Variants in RNF20 observed in about 807,000 individuals in gnomAD.
RNF20 encodes the protein E3 ubiquitin-protein ligase BRE1A.
A neutral mutation model predicts 126.2 loss-of-function variants in RNF20; 84 were observed. The observed-to-expected ratio is 0.67, with a 90% CI of 0.56 to 0.80. RNF20 has a LOEUF of 0.80. RNF20 is among the 30% of genes least tolerant of loss of function. The pLI, the probability that RNF20 is intolerant of heterozygous loss-of-function variation, is 0.00. For missense variants in RNF20, 869 were observed against 1,188.2 expected (o/e 0.73, Z 3.95); for synonymous variants, 400 against 414.3 (o/e 0.97, Z 0.42).
intron 11 of RNF20, 116 bp from the exon 12 acceptor site, chr9:101,552,025 T>C: frequency 7.1e-7 from 1 of 1,418,218 alleles, no homozygotes; most frequent in South Asian, 1.3e-5. Context: ...AGAAGGAATC[T>C]TTTATTTGGT....
At position 101,561,958 on chromosome 9, in the gene RNF20, G is replaced by T; in HGVS notation, c.2698G>T (p.Asp900Tyr). 3 of 1,613,758 alleles carry T rather than the reference G, an allele frequency of 1.9e-6. No individual in the cohort carries two copies. The highest frequency in any genetic ancestry group is 4.5e-5 in the East Asian group (2 of 44,856). Residue 900 changes from aspartate (D) to tyrosine (Y), a missense_variant, in exon 19 of 20, where the codon GAC becomes TAC. This residue lies in a region of RNF20 where 150 missense variants were observed against 173.7 expected (regional missense o/e 0.86). Transcript: ENST00000389120. ...RRKLETTKKP[D>Y]NVPKCDEILM... The stretch of plus-strand genomic sequence containing the variant: ...GAAGCTGGAGACCACAAAGAAACCA[G>T]ACAATGTACCCAAGTGTGATGAGAT...
Position 101,560,875 on chromosome 9 carries a change from G to T in RNF20, c.2457G>T (p.Gly819=). Residue 819 remains glycine, a synonymous_variant, in exon 17 of 20, where the codon GGG becomes GGT. Coordinates refer to ENST00000389120, the MANE Select transcript of RNF20 (RefSeq NM_019592.7). ...EHLLQSNIGT[G]EKELGLRTQA... ...TGTTACAGAGCAACATTGGCACAGGGGAGAAAGAGCTGGGTCTTAGGACCC... is the reference window on the plus strand; with the variant it reads ...TGTTACAGAGCAACATTGGCACAGGTGAGAAAGAGCTGGGTCTTAGGACCC... 1 of 1,613,694 alleles carries T rather than the reference G, an allele frequency of 6.2e-7. No individual in the cohort carries two copies. Among genetic ancestry groups the T allele is most frequent in the Non-Finnish European group, 8.5e-7 (1 of 1,179,702 alleles).
In RNF20 at chr9:101,561,111, G is replaced by T; in HGVS notation, c.2530G>T (p.Ala844Ser). Residue 844 changes from alanine to serine, a missense_variant, in exon 18 of 20, where the codon GCA (alanine) becomes TCA (serine). Around this residue, in one of 8 missense-constraint regions of RNF20, gnomAD observed 150 missense variants for 173.7 expected, o/e 0.86. Transcript: ENST00000389120. ...KRKAMEAAQL[A>S]DDLKAQLELA... Reference sequence around the variant, plus strand: ...ATAGGCAATGGAGGCAGCCCAGCTTGCAGATGACCTCAAAGCACAACTGGA... The same window carrying T: ...ATAGGCAATGGAGGCAGCCCAGCTTTCAGATGACCTCAAAGCACAACTGGA... The T allele has an allele frequency of 6.2e-7, 1 of 1,613,842 alleles. No individual in the cohort carries two copies. Among genetic ancestry groups the T allele is most frequent in the East Asian group, 2.2e-5 (1 of 44,864 alleles).
At position 101,544,767 on chromosome 9, in the gene RNF20, A is replaced by G. The variant is rs775728033; in HGVS notation, c.629A>G (p.Asp210Gly). 6.3e-7 allele frequency: 1 copy of G among 1,585,916 alleles called. No individual in the cohort carries two copies. Among genetic ancestry groups the G allele is most frequent in the Non-Finnish European group, 8.7e-7 (1 of 1,154,458 alleles). The change falls in exon 6 of 20, where the codon GAT becomes GGT. Residue 210 changes from aspartate (D) to glycine (G), a missense_variant and splice_region_variant. Coordinates refer to ENST00000389120, the MANE Select transcript of RNF20 (RefSeq NM_019592.7). ...ELLSRKLNSG[D>G]NLIVEEAVQE... is the part of the protein sequence containing the mutation. ...TTAAAGTATAGTTCTTCTTCCCCAGATAATCTGATAGTGGAGGAAGCAGTG... is the reference window on the plus strand; with the variant it reads ...TTAAAGTATAGTTCTTCTTCCCCAGGTAATCTGATAGTGGAGGAAGCAGTG...
Position 101,561,167 on chromosome 9 carries a change from G to C in RNF20, c.2586G>C (p.Gln862His). ...CTCAGAAGAAGCTACATGATTTTCA[G>C]GATGAGATCGTGGAGAACAGTGTTA... ...ELAQKKLHDFQDEIVENSVTK... is the reference protein window; with the variant it reads ...ELAQKKLHDFHDEIVENSVTK... The change falls in exon 18 of 20, where the codon CAG becomes CAC. Residue 862 changes from glutamine to histidine, a missense_variant. By Grantham distance (24) the Gln-to-His change is conservative. Coordinates refer to ENST00000389120, the MANE Select transcript of RNF20 (RefSeq NM_019592.7). The C allele has an allele frequency of 1.2e-6, 2 of 1,613,932 alleles. No homozygotes were observed. The highest frequency in any genetic ancestry group is 1.7e-6 in the Non-Finnish European group (2 of 1,179,852).
At chr9:101,541,736 A>G (rs1363142443) in intron 5 of RNF20, among the ~76,000 whole-genome samples, 2 of 152,200 alleles carry the variant, frequency 1.3e-5, no homozygotes, top group Non-Finnish European at 2.9e-5. Flanking sequence ...CATTATCGCT[A>G]ATGTTTTTAA....
chr9:101,534,195 A>C (rs1362377036), intron 1 of RNF20: 1 of 151,430 alleles, frequency 6.6e-6, no homozygotes, highest in Non-Finnish European at 1.5e-5. Flanking sequence ...CTGGAGCTTG[A>C]ATTGGAAGCA....
intron 2 of RNF20, among the ~76,000 whole-genome samples, chr9:101,537,577 T>C (rs1376281576): frequency 6.6e-6 from 1 of 152,238 alleles, no homozygotes; most frequent in Non-Finnish European, 1.5e-5. Context: ...CAGACTCCTT[T>C]AATGAATAAG....
At chr9:101,550,866 A>ATGTGTG in intron 10 of RNF20, 81 bp downstream of exon 10, 1 of 1,205,284 alleles carries the variant, frequency 8.3e-7, no homozygotes, top group Non-Finnish European at 1.2e-6. Context: ...TGTGCAATTA[A>ATGTGTG]TCTCTCATTC....
chr9:101,546,988 GGAGACTA>G, intron 7 of RNF20, 22 bp downstream of exon 7: 1 of 1,608,844 alleles, frequency 6.2e-7, no homozygotes, highest in Middle Eastern at 1.7e-4. Context: ...TTTATGGCTT[GGAGACTA>G]GAATCATTTT....
intron 9 of RNF20, among the ~76,000 whole-genome samples, chr9:101,550,401 GT>G (rs1827423596): frequency 6.6e-6 from 1 of 152,160 alleles, no homozygotes; most frequent in South Asian, 2.1e-4. Context: ...AAAGAATACA[GT>G]ATATCCAGGT....
intron 13 of RNF20, among the ~76,000 whole-genome samples, chr9:101,553,718 A>G (rs1213429756): frequency 3.9e-5 from 6 of 152,190 alleles, no homozygotes; most frequent in Admixed American, 1.3e-4. Flanking sequence ...AAATTTGCCT[A>G]TATAACAAGT....
At chr9:101,556,816 T>G (rs1417777723) in intron 15 of RNF20, among the ~76,000 whole-genome samples, 1 of 151,890 alleles carries the variant, frequency 6.6e-6, no homozygotes, top group Non-Finnish European at 1.5e-5. Flanking sequence ...AAAAAAACTC[T>G]CCAAAATAGG....
In RNF20 at chr9:101,561,346, A is replaced by G. The variant is rs990019602; in HGVS notation, c.2649+116A>G. On this transcript the variant is annotated intron_variant, in intron 18 of 19. Coordinates refer to ENST00000389120, the MANE Select transcript of RNF20 (RefSeq NM_019592.7). The stretch of plus-strand genomic sequence containing the variant: ...TGTCATTTCCTACTAGACTTGAGGA[A>G]GTTTGTTGAGGGAAGAGAGTAAGTC... 20 of 1,113,220 alleles carry G rather than the reference A, an allele frequency of 1.8e-5. No homozygotes were observed. The African/African-American group carries it at 2.0e-4, about 11-fold the overall frequency. The allele number at this position is 1,113,220 out of a possible 1,614,324, so 69.0% of individuals were successfully genotyped here.
intron 15 of RNF20, among the ~76,000 whole-genome samples, chr9:101,556,736 C>T (rs1827541169): frequency 6.6e-6 from 1 of 151,618 alleles, no homozygotes; most frequent in African/African-American, 2.4e-5. Context: ...GTTAGCAAAG[C>T]CAAAAGATTA....
chr9:101,549,586 G>C (rs569332133), intron 9 of RNF20, among the ~76,000 whole-genome samples: 39 of 152,084 alleles, frequency 2.6e-4, no homozygotes, highest in Non-Finnish European at 4.0e-4. Flanking sequence ...GGGAAAGGGA[G>C]ACTCCCTTTC....
Position 101,535,561 on chromosome 9 carries a change from A to G in RNF20, c.129+9A>G, listed in dbSNP as rs563635220. ...GAGGTGTCTCTTCAACGGTATGAGG[A>G]AACAGTGCCATGAAAGTGTGCTTGT... On this transcript the variant is annotated intron_variant, in intron 2 of 19. Coordinates refer to ENST00000389120, the MANE Select transcript of RNF20 (RefSeq NM_019592.7). 3 of 1,602,936 alleles carry G rather than the reference A, an allele frequency of 1.9e-6. No homozygotes were observed. The highest frequency in any genetic ancestry group is 1.3e-5 in the African/African-American group (1 of 74,388).
rs769661538 is a variant in RNF20 at position 101,553,969 on chromosome 9, T to C, written c.1902-19T>C. On this transcript the variant is annotated intron_variant, in intron 13 of 19. Transcript: ENST00000389120. ...TTTCTTATTACATTGTTCCCCTCCC[T>C]CTACTACGCCTGTCATAGGAAGGCA... is the stretch of plus-strand genomic sequence containing the variant. 3.5e-6 allele frequency: 5 copies of C among 1,416,152 alleles called. No individual in the cohort carries two copies. The Admixed American group carries it at 8.6e-5, about 24-fold the overall frequency. 87.7% of individuals were successfully genotyped at this position (1,416,152 alleles called of 1,614,324 possible).
chr9:101,539,153 A>G (rs994829347), intron 2 of RNF20, among the ~76,000 whole-genome samples: 5 of 152,228 alleles, frequency 3.3e-5, no homozygotes, highest in African/African-American at 1.2e-4. Flanking sequence ...AAAAGGGGGC[A>G]GGGTTTGGTA....
Sources: gnomAD v4.1 joint callset for allele counts (sites outside exome capture counted in the v4.1 genomes callset) on GRCh38, gnomAD v4.1.1 for gene constraint, gnomAD v4.1.1 regional missense constraint, MANE v1.5 for transcripts, NCBI Gene and HGNC (gene_info 2026-07-23, HGNC 2026-07-21) for gene names.